The following ENTREP2 variants were observed in gnomAD, a reference collection of about 807,000 sequenced individuals.
The protein encoded by ENTREP2 is protein ENTREP2.
chr15:29,398,484 G>C, the ENTREP2 span, among the ~76,000 whole-genome samples: 2 of 152,092 alleles, frequency 1.3e-5, no homozygotes, highest in Non-Finnish European at 2.9e-5. Flanking sequence ...AGCACTTTGG[G>C]AGGCCGAGGC....
the ENTREP2 span, among the ~76,000 whole-genome samples, chr15:29,628,511 T>C: frequency 6.6e-6 from 1 of 152,228 alleles, no homozygotes; most frequent in East Asian, 1.9e-4. Context: ...GAATATTCTA[T>C]CGATGTCCAT....
chr15:29,595,095 AAAT>A, the ENTREP2 span, among the ~76,000 whole-genome samples: 732 of 134,294 alleles, frequency 5.5e-3, 11 homozygotes, highest in African/African-American at 0.015. Context: ...AAAAAAAAAA[AAAT>A]TTAAAATTAG....
chr15:29,572,545 C>A, the ENTREP2 span, among the ~76,000 whole-genome samples: 2 of 143,988 alleles, frequency 1.4e-5, no homozygotes, highest in Non-Finnish European at 3.1e-5. Flanking sequence ...AATCATAAGG[C>A]TTTTTTTTTT....
chr15:29,123,333 G>T, the ENTREP2 span: 1 of 1,506,458 alleles, frequency 6.6e-7, no homozygotes. Context: ...CAGAAATGTG[G>T]CTCCTTCATA....
the ENTREP2 span, among the ~76,000 whole-genome samples, chr15:29,573,254 T>G: frequency 6.6e-6 from 1 of 152,304 alleles, no homozygotes; most frequent in African/African-American, 2.4e-5. Context: ...TAAAATTTCG[T>G]TTGCATCCAA....
chr15:29,609,119 T>C, the ENTREP2 span, among the ~76,000 whole-genome samples: 27 of 150,374 alleles, frequency 1.8e-4, no homozygotes, highest in African/African-American at 6.3e-4. Context: ...TGGGAATAAT[T>C]TGTCACCTAG....
chr15:29,123,175 T>G, the ENTREP2 span: 1 of 668,120 alleles, frequency 1.5e-6, no homozygotes, highest in Non-Finnish European at 2.4e-6. Flanking sequence ...AGAGAGGGGG[T>G]AACAGTTCCC....
chr15:29,194,825 G>C, the ENTREP2 span, among the ~76,000 whole-genome samples: 1 of 152,134 alleles, frequency 6.6e-6, no homozygotes, highest in Non-Finnish European at 1.5e-5. Flanking sequence ...CGTTCAAGGG[G>C]GACGCCAGGA....
At chr15:29,122,453 C>CTT in the ENTREP2 span, 1 of 152,230 alleles carries the variant, frequency 6.6e-6, no homozygotes, top group Non-Finnish European at 1.5e-5. Flanking sequence ...GGAGGGGCTA[C>CTT]TTCTCAGAGA....
At chr15:29,543,705 G>T in the ENTREP2 span, among the ~76,000 whole-genome samples, 1 of 151,922 alleles carries the variant, frequency 6.6e-6, no homozygotes, top group Non-Finnish European at 1.5e-5. Context: ...CTTGAACCTG[G>T]GAGGCAGAGG....
At chr15:29,621,900 G>A in the ENTREP2 span, among the ~76,000 whole-genome samples, 1 of 152,178 alleles carries the variant, frequency 6.6e-6, no homozygotes, top group Non-Finnish European at 1.5e-5. Flanking sequence ...ACAAAATGTG[G>A]TGGATTCATA....
At chr15:29,398,166 CTAGATA>C in the ENTREP2 span, among the ~76,000 whole-genome samples, 2 of 148,996 alleles carry the variant, frequency 1.3e-5, no homozygotes, top group African/African-American at 2.5e-5. Flanking sequence ...ACTACACATA[CTAGATA>C]TAAACACACA....
At chr15:29,316,297 A>ATGGGAGCTCTGGTGGCCTCTGCTCAC in the ENTREP2 span, among the ~76,000 whole-genome samples, 1 of 152,140 alleles carries the variant, frequency 6.6e-6, no homozygotes, top group East Asian at 1.9e-4. Flanking sequence ...ATCAAGAGAC[A>ATGGGAGCTCTGGTGGCCTCTGCTCAC]TGGGAGCTCT....
the ENTREP2 span, chr15:29,268,534 G>A: frequency 7.1e-6 from 3 of 421,476 alleles, no homozygotes; most frequent in Admixed American, 1.2e-4. Flanking sequence ...TTTCCAATTC[G>A]TTTTACTAAG....
At chr15:29,334,471 G>A in the ENTREP2 span, among the ~76,000 whole-genome samples, 2 of 152,164 alleles carry the variant, frequency 1.3e-5, no homozygotes, top group Non-Finnish European at 2.9e-5. Context: ...ATTCTGAAAG[G>A]CATGTTTTCA....
the ENTREP2 span, among the ~76,000 whole-genome samples, chr15:29,472,474 T>G: frequency 1.9e-5 from 1 of 52,628 alleles, no homozygotes; most frequent in Non-Finnish European, 4.1e-5. Context: ...CACACACACA[T>G]ATAAATTTGA....
At chr15:29,299,138 T>A in the ENTREP2 span, among the ~76,000 whole-genome samples, 1 of 152,246 alleles carries the variant, frequency 6.6e-6, no homozygotes, top group Admixed American at 6.5e-5. Flanking sequence ...ATGTGACAGA[T>A]GAAGAAAATT....
the ENTREP2 span, among the ~76,000 whole-genome samples, chr15:29,405,832 A>G: frequency 1.3e-5 from 2 of 152,250 alleles, no homozygotes; most frequent in Non-Finnish European, 2.9e-5. Context: ...CTTTGTGCCC[A>G]TGCTCCTGAC....
At chr15:29,233,758 A>T in the ENTREP2 span, 3 of 1,514,512 alleles carry the variant, frequency 2.0e-6, no homozygotes, top group South Asian at 3.4e-5. Context: ...AAGAAGGTGA[A>T]TCAGTCTGAT....
Sources: allele counts gnomAD v4.1 joint callset (sites outside exome capture counted in the v4.1 genomes callset), GRCh38; gene constraint gnomAD v4.1.1; transcripts MANE v1.5; gene names NCBI Gene and HGNC (gene_info 2026-07-23, HGNC 2026-07-21).